Variants in ACHE observed in about 807,000 individuals in gnomAD.
ACHE encodes the protein acetylcholinesterase.
Under a neutral mutation model 53.9 loss-of-function variants are expected in ACHE, and 19 were observed. The observed-to-expected ratio is 0.35, with a 90% CI of 0.25 to 0.52. ACHE has a LOEUF of 0.52. ACHE is among the 20% of genes least tolerant of loss of function. ACHE has a pLI of 0.95. For synonymous variants in ACHE, 392 were observed against 378.1 expected, an observed-to-expected ratio of 1.04 and a Z score of -0.43; for missense variants, 605 against 849.4, an observed-to-expected ratio of 0.71 and a Z score of 3.58.
Position 100,892,265 on chromosome 7 carries a change from C to A in ACHE, c.1553+69G>T. ...ACCCGTCCTTTCTGTCTCCGTGTGT[C>A]TGCCTTTGTGTGTCCTCCCGCCCCC... On this transcript the variant is annotated intron_variant, in intron 3 of 4. Transcript: ENST00000241069. This position sits in a 1 kb window ranked among gnomAD's most constrained non-coding sequence, Gnocchi z 5.2. 1 of 1,456,946 alleles carries A rather than the reference C, an allele frequency of 6.9e-7. No homozygotes were observed. Among genetic ancestry groups the A allele is most frequent in the East Asian group, 2.4e-5 (1 of 42,246 alleles). 90.3% of individuals were successfully genotyped at this position (1,456,946 alleles called of 1,614,324 possible).
intron 1 of ACHE, among the ~76,000 whole-genome samples, chr7:100,894,820 G>A (rs1372240350): frequency 4.6e-5 from 7 of 150,762 alleles, no homozygotes; most frequent in Non-Finnish European, 1.0e-4. Flanking sequence ...TCCAATGTCT[G>A]GCACCGAGCG....
Position 100,892,803 on chromosome 7 carries a change from C to A in ACHE, c.1084G>T (p.Val362Leu). The A allele has an allele frequency of 6.3e-7, 1 of 1,583,818 alleles. No individual in the cohort carries two copies. The change falls in exon 3 of 5, where the codon GTG becomes TTG. Residue 362 changes from valine to leucine, a missense_variant. Around this residue, in one of 4 missense-constraint regions of ACHE, gnomAD observed 397 missense variants for 632.5 expected, o/e 0.63. Coordinates refer to ENST00000241069, the MANE Select transcript of ACHE (RefSeq NM_000665.5). The surrounding 1 kb of genome is among the most constrained non-coding windows in gnomAD (Gnocchi z 5.2). ...AGAAAATACGAGCCCTCATCCTTCA[C>A]CACACCCACCAGCACCTGGGGGTGA... ...FHGLQVLVGV[V>L]KDEGSYFLVY...
At chr7:100,894,454 T>A in intron 1 of ACHE, 13 of 393,440 alleles carry the variant, frequency 3.3e-5, no homozygotes, top group Middle Eastern at 6.4e-4. Context: ...GGGAAAGAGA[T>A]CAGGCAGACA....
In ACHE at chr7:100,893,239, G is replaced by C; in HGVS notation, c.994C>G (p.Pro332Ala). The C allele has an allele frequency of 6.2e-7, 1 of 1,614,118 alleles. No homozygotes were observed. Among genetic ancestry groups the C allele is most frequent in the Non-Finnish European group, 8.5e-7 (1 of 1,180,024 alleles). The change falls in exon 2 of 5, where the codon CCT becomes GCT. Residue 332 changes from proline to alanine, a missense_variant. By Grantham distance (27) the Pro-to-Ala change is conservative. Coordinates refer to ENST00000241069, the MANE Select transcript of ACHE (RefSeq NM_000665.5). ...QESVFRFSFV[P>A]VVDGDFLSDT... ...CTGAGGAAGTCTCCATCTACCACAGGCACGAAGGAGAACCGGAAGACGCTT... is the reference window on the plus strand; with the variant it reads ...CTGAGGAAGTCTCCATCTACCACAGCCACGAAGGAGAACCGGAAGACGCTT...
chr7:100,891,107 G>A, intron 4 of ACHE, 62 bp downstream of exon 4: 3 of 1,556,244 alleles, frequency 1.9e-6, no homozygotes, highest in East Asian at 4.8e-5. Context: ...AGAAGAGAGG[G>A]GTTACACCTG....
Position 100,892,018 on chromosome 7 carries a change from C to CTCAAACTCCTGGT in ACHE, c.1553+315_1553+316insACCAGGAGTTTGA, listed in dbSNP as rs1790730523. Among the ~76,000 whole-genome samples, 1 of 151,490 alleles carries CTCAAACTCCTGGT rather than the reference C, an allele frequency of 6.6e-6. No homozygotes were observed. The highest frequency in any genetic ancestry group is 1.5e-5 in the Non-Finnish European group (1 of 67,864). The stretch of plus-strand genomic sequence containing the variant: ...GTCCAGTCTGGTCTCAAACTCCTGG[C>CTCAAACTCCTGGT]CTCAGGGGATCCTCCCACCTTGGCC... On this transcript the variant is annotated intron_variant, in intron 3 of 4. Coordinates refer to ENST00000241069, the MANE Select transcript of ACHE (RefSeq NM_000665.5). This position sits in a 1 kb window ranked among gnomAD's most constrained non-coding sequence, Gnocchi z 5.2.
At chr7:100,890,886 T>TG (rs1790637373) in intron 4 of ACHE, 1 of 1,463,366 alleles carries the variant, frequency 6.8e-7, no homozygotes. Context: ...GATCCCTGAG[T>TG]GGGGCCCTTC....
chr7:100,893,574 G>T lies in ACHE; in HGVS notation c.659C>A (p.Ala220Asp). 6.2e-7 allele frequency: 1 copy of T among 1,612,126 alleles called. No individual in the cohort carries two copies. ...ALQWVQENVAAFGGDPTSVTL... is the reference protein window; with the variant it reads ...ALQWVQENVADFGGDPTSVTL... ...CACTGATGTCGGGTCACCCCCGAAG[G>T]CTGCCACGTTCTCCTGCACCCACTG... is the stretch of plus-strand genomic sequence containing the variant. The change falls in exon 2 of 5, where the codon GCC (alanine) becomes GAC (aspartate). Residue 220 changes from alanine to aspartate, a missense_variant. By Grantham distance (126) the Ala-to-Asp change is moderately radical. Transcript: ENST00000241069.
At chr7:100,891,846 T>C (rs1215850444) in intron 3 of ACHE, among the ~76,000 whole-genome samples, 2 of 140,332 alleles carry the variant, frequency 1.4e-5, no homozygotes, top group Admixed American at 7.9e-5. Context: ...AGTGGTGCCA[T>C]CATAGCTCAC....
Position 100,894,004 on chromosome 7 carries a change from G to A in ACHE, c.229C>T (p.Arg77Cys). ...PFAEPPMGPR[R>C]FLPPEPKQPW... ...TGCTTGGGCTCCGGTGGCAGAAAGCGACGGGGTCCCATGGGTGGCTCCGCA... is the reference window on the plus strand; with the variant it reads ...TGCTTGGGCTCCGGTGGCAGAAAGCAACGGGGTCCCATGGGTGGCTCCGCA... The change falls in exon 2 of 5, where the codon CGC (arginine) becomes TGC (cysteine). Residue 77 changes from arginine to cysteine, a missense_variant. Physicochemically the swap from Arg to Cys is radical, Grantham distance 180. Coordinates refer to ENST00000241069, the MANE Select transcript of ACHE (RefSeq NM_000665.5). 1.9e-6 allele frequency: 3 copies of A among 1,611,842 alleles called. No homozygotes were observed. Among genetic ancestry groups the A allele is most frequent in the Non-Finnish European group, 1.7e-6 (2 of 1,178,896 alleles).
chr7:100,893,368 G>A lies in ACHE; in HGVS notation c.865C>T (p.Pro289Ser), dbSNP rs1410696629. Residue 289 changes from proline to serine, a missense_variant, in exon 2 of 5, where the codon CCT becomes TCT. By Grantham distance (74) the Pro-to-Ser change is moderately conservative (BLOSUM62 -1). Around this residue, in one of 4 missense-constraint regions of ACHE, gnomAD observed 397 missense variants for 632.5 expected, o/e 0.63. Coordinates refer to ENST00000241069, the MANE Select transcript of ACHE (RefSeq NM_000665.5). Reference protein sequence around the residue: ...ATQLAHLVGCPPGGTGGNDTE... With the variant: ...ATQLAHLVGCSPGGTGGNDTE... ...TCATTCCCACCAGTGCCGCCTGGAG[G>A]ACAGCCCACAAGGTGGGCCAGCTGC... 11 of 1,613,406 alleles carry A rather than the reference G, an allele frequency of 6.8e-6. No homozygotes were observed. Among genetic ancestry groups the A allele is most frequent in the African/African-American group, 1.3e-5 (1 of 74,924 alleles).
In ACHE at chr7:100,892,810, C is replaced by T. The variant is rs763190288; in HGVS notation, c.1077G>A (p.Val359=). 9 of 1,578,990 alleles carry T rather than the reference C, an allele frequency of 5.7e-6. No individual in the cohort carries two copies. In the African/African-American group the frequency reaches 1.1e-4, roughly 19 times the overall value. Residue 359 remains valine (V), a synonymous_variant, in exon 3 of 5, where the codon GTG becomes GTA. Coordinates refer to ENST00000241069, the MANE Select transcript of ACHE (RefSeq NM_000665.5). The surrounding 1 kb of genome is among the most constrained non-coding windows in gnomAD (Gnocchi z 5.2). ...AGDFHGLQVL[V]GVVKDEGSYF... ...ACGAGCCCTCATCCTTCACCACACC[C>T]ACCAGCACCTGGGGGTGAGGGAGAG...
Position 100,894,179 on chromosome 7 carries a change from A to G in ACHE, c.54T>C (p.Leu18=), listed in dbSNP as rs1190966103. 14 of 1,481,388 alleles carry G rather than the reference A, an allele frequency of 9.5e-6. No homozygotes were observed. The highest frequency in any genetic ancestry group is 2.7e-5 in the South Asian group (2 of 72,762). 91.8% of individuals were successfully genotyped at this position (1,481,388 alleles called of 1,614,324 possible). A position where few individuals can be genotyped will look rare whatever the true frequency, so the allele number is the denominator to read the frequency against. ...LHTPSLASPL[L]LLLLWLLGGG... ...CACCCAGGAGCCAGAGGAGGAGGAG[A>G]AGGAGTGGGGAAGCCAGGGAAGGCG... is the stretch of plus-strand genomic sequence containing the variant. Residue 18 remains leucine (L), a synonymous_variant, in exon 2 of 5, where the codon CTT becomes CTC. Transcript: ENST00000241069.
chr7:100,891,015 G>A, intron 4 of ACHE, 154 bp downstream of exon 4: 1 of 1,456,510 alleles, frequency 6.9e-7, no homozygotes, highest in Non-Finnish European at 9.1e-7. Context: ...GGAGGAGGAG[G>A]GGCAGGGGGA....
chr7:100,896,161 G>A (rs1791031775), upstream of ACHE: 1 of 152,350 alleles, frequency 6.6e-6, no homozygotes, highest in Non-Finnish European at 1.5e-5. Flanking sequence ...ACGGACAGAA[G>A]CCCGTGGAGA....
In ACHE at chr7:100,892,434, TGAACTC is replaced by T; in HGVS notation, c.1447_1452del (p.Glu483_Phe484del). On this transcript the variant is annotated inframe_deletion, in exon 3 of 5. Transcript: ENST00000241069. This position sits in a 1 kb window ranked among gnomAD's most constrained non-coding sequence, Gnocchi z 5.2. ...GAGGGGTCCAGGGGGATCCCAAAGA[TGAACTC>T]GATCTCGTAGCCGTGGGGCACCCCC... 1 of 1,543,568 alleles carries T rather than the reference TGAACTC, an allele frequency of 6.5e-7. No individual in the cohort carries two copies. Among genetic ancestry groups the T allele is most frequent in the Non-Finnish European group, 8.8e-7 (1 of 1,140,322 alleles).
chr7:100,894,744 G>A (rs1222723592), intron 1 of ACHE, among the ~76,000 whole-genome samples: 1 of 152,122 alleles, frequency 6.6e-6, no homozygotes, highest in Admixed American at 6.5e-5. Context: ...GGGTGTGGAA[G>A]CCTCAGGTCC....
In ACHE at chr7:100,890,109, T is replaced by G. The variant is rs1036624824; in HGVS notation, c.*105A>C. On this transcript the variant is annotated 3_prime_UTR_variant, in exon 5 of 5. Transcript: ENST00000241069. ...GGGGGACGTCGGGGTGGGGTGGGGA[T>G]GGGCAGAGTCTGGGGCTCGTCTGTG... is the stretch of plus-strand genomic sequence containing the variant. The G allele has an allele frequency of 8.4e-6, 12 of 1,422,822 alleles. No homozygotes were observed. Among genetic ancestry groups the G allele is most frequent in the Non-Finnish European group, 1.1e-5 (12 of 1,055,656 alleles). 88.1% of individuals were successfully genotyped at this position (1,422,822 alleles called of 1,614,324 possible).
Position 100,892,524 on chromosome 7 carries a change from G to A in ACHE, c.1363C>T (p.Arg455Trp), listed in dbSNP as rs1296445238. Residue 455 changes from arginine to tryptophan, a missense_variant, in exon 3 of 5, where the codon CGG becomes TGG. Arg to Trp is a moderately radical substitution (Grantham distance 101, BLOSUM62 -3). Coordinates refer to ENST00000241069, the MANE Select transcript of ACHE (RefSeq NM_000665.5). This position sits in a 1 kb window ranked among gnomAD's most constrained non-coding sequence, Gnocchi z 5.2. ...LAGRLAAQGA[R>W]VYAYVFEHRA... ...TGTTCAAAGACGTAGGCGTAGACCC[G>A]GGCACCCTGGGCAGCCAGTCGCCCA... 6.8e-6 allele frequency: 11 copies of A among 1,608,006 alleles called. No individual in the cohort carries two copies. Among genetic ancestry groups the A allele is most frequent in the Middle Eastern group, 1.6e-4 (1 of 6,070 alleles).
Sources: gnomAD v4.1 joint callset for allele counts (sites outside exome capture counted in the v4.1 genomes callset) on GRCh38, gnomAD v4.1.1 for gene constraint, gnomAD v4.1.1 regional missense constraint, Gnocchi (gnomAD v3.1) non-coding constraint, MANE v1.5 for transcripts, NCBI Gene and HGNC (gene_info 2026-07-23, HGNC 2026-07-21) for gene names.